Variants in TMTC2 observed in about 807,000 individuals in gnomAD.
TMTC2 encodes the protein transmembrane O-mannosyltransferase targeting cadherins 2.
In TMTC2, 43 loss-of-function variants were observed where a neutral mutation model predicts 82.4. The ratio of observed to expected loss-of-function variants is 0.52; its 90% CI spans 0.41 to 0.67. The LOEUF is 0.67. TMTC2 is among the 30% of genes least tolerant of loss of function. The probability of loss-of-function intolerance (pLI) is 0.00; values close to 1 mark genes in which losing one functional copy is unlikely to be tolerated. For synonymous variants in TMTC2, 408 were observed against 381.9 expected (o/e 1.07, Z -0.80); for missense variants, 919 against 1,012.4 (o/e 0.91, Z 1.25).
chr12:82,951,053 C>A (rs945971528), intron 4 of TMTC2, among the ~76,000 whole-genome samples: 3 of 152,094 alleles, frequency 2.0e-5, no homozygotes, highest in Non-Finnish European at 4.4e-5. Context: ...AAGAAGGATA[C>A]CAGAGAGAGG....
chr12:82,800,398 T>G (rs527568774), intron 1 of TMTC2, among the ~76,000 whole-genome samples: 1 of 152,292 alleles, frequency 6.6e-6, no homozygotes, highest in East Asian at 1.9e-4. Flanking sequence ...GCTGTCATGA[T>G]TCCTGCTCTA....
intron 1 of TMTC2, among the ~76,000 whole-genome samples, chr12:82,809,640 G>A (rs1029583277): frequency 2.6e-5 from 4 of 151,840 alleles, no homozygotes; most frequent in South Asian, 2.1e-4. Context: ...CAATTTTTTC[G>A]TACTATTTAC....
chr12:82,990,616 C>A (rs972062124), intron 8 of TMTC2, among the ~76,000 whole-genome samples: 41 of 152,036 alleles, frequency 2.7e-4, no homozygotes, highest in Admixed American at 1.3e-4. Context: ...TAGTAGGACA[C>A]TTCCAAATAG....
chr12:82,745,601 A>C (rs951516843), intron 1 of TMTC2, among the ~76,000 whole-genome samples: 1 of 152,212 alleles, frequency 6.6e-6, no homozygotes, highest in Admixed American at 6.5e-5. Context: ...AGCAGACAAG[A>C]GCCTAGAGAA....
intron 11 of TMTC2, 80 bp from the exon 12 acceptor site, chr12:83,132,130 A>G: frequency 6.8e-7 from 1 of 1,480,782 alleles, no homozygotes; most frequent in South Asian, 1.4e-5. Flanking sequence ...TATTTGCATA[A>G]GTGGATGAAG....
chr12:82,901,314 T>C (rs1368967286), intron 3 of TMTC2, among the ~76,000 whole-genome samples: 2 of 143,914 alleles, frequency 1.4e-5, no homozygotes, highest in South Asian at 2.2e-4. Flanking sequence ...TTTTTTCTTT[T>C]TTTTTTTTGA....
At chr12:82,742,253 ATTTC>A (rs1013005696) in intron 1 of TMTC2, among the ~76,000 whole-genome samples, 3 of 151,690 alleles carry the variant, frequency 2.0e-5, no homozygotes, top group African/African-American at 7.3e-5. Flanking sequence ...GTCTTCATGT[ATTTC>A]TTCCTGAAAC....
intron 1 of TMTC2, among the ~76,000 whole-genome samples, chr12:82,797,200 T>G (rs1878762509): frequency 6.6e-6 from 1 of 152,172 alleles, no homozygotes; most frequent in Non-Finnish European, 1.5e-5. Flanking sequence ...GATCTTGAAA[T>G]TTTTATTTAT....
intron 1 of TMTC2, among the ~76,000 whole-genome samples, chr12:82,839,914 C>G (rs1870243546): frequency 6.6e-6 from 1 of 152,130 alleles, no homozygotes; most frequent in African/African-American, 2.4e-5. Flanking sequence ...TTCTTGTGCT[C>G]TTAGATTGGC....
At position 83,132,510 on chromosome 12, in the gene TMTC2, T is replaced by C. The variant is rs1040735363; in HGVS notation, c.*121T>C. On this transcript the variant is annotated 3_prime_UTR_variant, in exon 12 of 12. Coordinates refer to ENST00000321196, the MANE Select transcript of TMTC2 (RefSeq NM_152588.3). Reference sequence around the variant, plus strand: ...GACTTCAAGACCAGGGCAGAGGTCATTGAGGTCACTACCGCTTCTGGAAGA... The same window carrying C: ...GACTTCAAGACCAGGGCAGAGGTCACTGAGGTCACTACCGCTTCTGGAAGA... The C allele has an allele frequency of 5.4e-6, 6 of 1,111,176 alleles. No individual in the cohort carries two copies. The highest frequency in any genetic ancestry group is 4.8e-5 in the African/African-American group (3 of 62,030). 68.8% of individuals were successfully genotyped at this position (1,111,176 alleles called of 1,614,324 possible).
chr12:83,111,715 A>G (rs1027312190), intron 11 of TMTC2, among the ~76,000 whole-genome samples: 2 of 152,144 alleles, frequency 1.3e-5, no homozygotes, highest in Non-Finnish European at 2.9e-5. Context: ...ACTCTATTAC[A>G]TGCTGCTGGA....
At chr12:82,719,671 C>CTTTTTTTTTTTTT (rs202235180) in intron 1 of TMTC2, among the ~76,000 whole-genome samples, 1 of 128,148 alleles carries the variant, frequency 7.8e-6, no homozygotes, top group Non-Finnish European at 1.6e-5. Context: ...GTCTCTCTGT[C>CTTTTTTTTTTTTT]TTTTTTTTTT....
intron 4 of TMTC2, among the ~76,000 whole-genome samples, chr12:82,956,366 A>G (rs1877615731): frequency 6.6e-6 from 1 of 152,186 alleles, no homozygotes; most frequent in Non-Finnish European, 1.5e-5. Context: ...CCACAGGCTC[A>G]TAGTAAAGGG....
chr12:82,895,529 T>C (rs559432062), intron 2 of TMTC2, among the ~76,000 whole-genome samples: 2 of 152,288 alleles, frequency 1.3e-5, no homozygotes, highest in East Asian at 3.9e-4. Context: ...GAACCTACTT[T>C]GTAGAGGTCA....
chr12:82,869,125 G>A (rs1703105), intron 2 of TMTC2, among the ~76,000 whole-genome samples: 29,253 of 151,898 alleles, frequency 0.19, 6,169 homozygotes, highest in African/African-American at 0.53. Flanking sequence ...TAGATACATG[G>A]GGCGAGTGGC....
intron 1 of TMTC2, among the ~76,000 whole-genome samples, chr12:82,806,127 G>A (rs567765948): frequency 2.0e-5 from 3 of 152,236 alleles, no homozygotes; most frequent in Non-Finnish European, 2.9e-5. Context: ...GGAATTGGAA[G>A]GAAATCTTAT....
At chr12:82,773,663 G>A (rs1877435531) in intron 1 of TMTC2, among the ~76,000 whole-genome samples, 1 of 151,912 alleles carries the variant, frequency 6.6e-6, no homozygotes, top group South Asian at 2.1e-4. Context: ...GTTTCACCAT[G>A]TTGGTCAGGC....
chr12:83,041,787 C>T (rs994564908), intron 9 of TMTC2, among the ~76,000 whole-genome samples: 26 of 152,042 alleles, frequency 1.7e-4, no homozygotes, highest in Non-Finnish European at 2.1e-4. Context: ...TCCATTATTC[C>T]ATTATTTCCG....
intron 11 of TMTC2, among the ~76,000 whole-genome samples, chr12:83,078,355 G>A (rs185976148): frequency 3.9e-4 from 60 of 152,248 alleles, no homozygotes; most frequent in African/African-American, 1.2e-3. Flanking sequence ...ATACTGTTAA[G>A]CTCCTTATTC....
Sources: allele counts gnomAD v4.1 joint callset (sites outside exome capture counted in the v4.1 genomes callset), GRCh38; gene constraint gnomAD v4.1.1; transcripts MANE v1.5; gene names NCBI Gene and HGNC (gene_info 2026-07-23, HGNC 2026-07-21).